CFAP161: variants seen among roughly 807,000 people sequenced by gnomAD.
The protein encoded by CFAP161 is cilia- and flagella-associated protein 161.
A neutral mutation model predicts 29.0 loss-of-function variants in CFAP161; 25 were observed. The observed-to-expected ratio is 0.86, with a 90% CI of 0.63 to 1.20. The LOEUF is 1.20. Among genes scored for constraint, CFAP161 ranks in the 50% most tolerant of loss-of-function variants. The pLI is 0.00. For missense variants in CFAP161, 367 were observed against 371.9 expected (o/e 0.99, Z 0.11); for synonymous variants, 116 against 137.4 (o/e 0.84, Z 1.09).
intron 1 of CFAP161, among the ~76,000 whole-genome samples, chr15:81,110,057 G>C (rs1894421757): frequency 6.6e-6 from 1 of 151,976 alleles, no homozygotes; most frequent in African/African-American, 2.4e-5. Context: ...TTTGCAAACT[G>C]ATGTCTTATC....
intron 1 of CFAP161, among the ~76,000 whole-genome samples, chr15:81,124,281 T>C (rs1364343468): frequency 6.6e-6 from 1 of 152,230 alleles, no homozygotes; most frequent in East Asian, 1.9e-4. Flanking sequence ...GTGTGGTTTT[T>C]GTCTTTAGTT....
intron 1 of CFAP161, among the ~76,000 whole-genome samples, chr15:81,118,508 T>A (rs1894528649): frequency 6.6e-6 from 1 of 152,234 alleles, no homozygotes; most frequent in Non-Finnish European, 1.5e-5. Flanking sequence ...GGGGCCGCCC[T>A]CAGCGGGAAA....
At chr15:81,112,049 C>T (rs924775271) in intron 1 of CFAP161, among the ~76,000 whole-genome samples, 1 of 152,152 alleles carries the variant, frequency 6.6e-6, no homozygotes, top group Non-Finnish European at 1.5e-5. Context: ...TTTCCCCTTT[C>T]ACACCTATTA....
Position 81,148,536 on chromosome 15 carries a change from C to T in CFAP161, c.*3C>T, listed in dbSNP as rs764603733. The T allele has an allele frequency of 1.1e-5, 18 of 1,605,870 alleles. No homozygotes were observed. In the Admixed American group the frequency reaches 1.8e-4, roughly 16 times the overall value. On this transcript the variant is annotated 3_prime_UTR_variant, in exon 7 of 7. Coordinates refer to ENST00000286732, the MANE Select transcript of CFAP161 (RefSeq NM_173528.4). ...CCATGGGCCTTGACACGCAGTAACACGCCAGGCACGTGCATGTTTTCCCTG... is the reference window on the plus strand; with the variant it reads ...CCATGGGCCTTGACACGCAGTAACATGCCAGGCACGTGCATGTTTTCCCTG...
intron 1 of CFAP161, among the ~76,000 whole-genome samples, chr15:81,116,800 T>G (rs997362921): frequency 5.3e-5 from 8 of 152,206 alleles, no homozygotes; most frequent in Non-Finnish European, 8.8e-5. Context: ...TAGGGCAACT[T>G]TTGTTTTTAG....
chr15:81,135,587 A>G lies in CFAP161; in HGVS notation c.159+228A>G, dbSNP rs539082153. ...GTGTCCATGTGTTCTCCATTGTTCA[A>G]TTCCCACCTATGAGTGAGAATATGC... is the stretch of plus-strand genomic sequence containing the variant. On this transcript the variant is annotated intron_variant, in intron 2 of 6. Coordinates refer to ENST00000286732, the MANE Select transcript of CFAP161 (RefSeq NM_173528.4). Among the ~76,000 whole-genome samples, 23 of 139,152 alleles carry G rather than the reference A, an allele frequency of 1.7e-4. 1 individual carries two copies. Among genetic ancestry groups the G allele is most frequent in the South Asian group, 9.0e-4 (4 of 4,450 alleles). The allele number at this position is 139,152 out of a possible 152,430, so 91.3% of individuals were successfully genotyped here.
intron 5 of CFAP161, among the ~76,000 whole-genome samples, chr15:81,144,740 T>C (rs896494266): frequency 1.3e-5 from 2 of 151,150 alleles, no homozygotes; most frequent in African/African-American, 4.9e-5. Flanking sequence ...TGAGCTGTGA[T>C]TGTGCCATTG....
At chr15:81,131,931 G>T (rs1894716940), upstream of CFAP161, among the ~76,000 whole-genome samples, 1 of 152,194 alleles carries the variant, frequency 6.6e-6, no homozygotes, top group South Asian at 2.1e-4. Context: ...AGCAGCAAGA[G>T]TATGTGTAAG....
rs373630462 is a variant in CFAP161 at position 81,143,791 on chromosome 15, C to T, written c.607C>T (p.Arg203Cys). ...GGCTGCCTTCCCTGACCCCCAGTTA[C>T]GCCTGGAATATGAAGGCTTCCCCGT... is the stretch of plus-strand genomic sequence containing the variant. ...WQAAFPDPQL[R>C]LEYEGFPVPA... Residue 203 changes from arginine (R) to cysteine (C), a missense_variant, in exon 5 of 7, where the codon CGC (arginine) becomes TGC (cysteine). Arg to Cys is a radical substitution (Grantham distance 180). Coordinates refer to ENST00000286732, the MANE Select transcript of CFAP161 (RefSeq NM_173528.4). 29 of 1,613,742 alleles carry T rather than the reference C, an allele frequency of 1.8e-5. No individual in the cohort carries two copies. Among genetic ancestry groups the T allele is most frequent in the East Asian group, 1.1e-4 (5 of 44,896 alleles).
chr15:81,130,035 G>A (rs1368265913), upstream of CFAP161, among the ~76,000 whole-genome samples: 1 of 151,620 alleles, frequency 6.6e-6, no homozygotes, highest in East Asian at 1.9e-4. Context: ...GGATAACTTG[G>A]TGCAGCCTTT....
At chr15:81,145,159 G>A (rs1441269850) in intron 5 of CFAP161, among the ~76,000 whole-genome samples, 2 of 152,224 alleles carry the variant, frequency 1.3e-5, no homozygotes, top group Non-Finnish European at 1.5e-5. Flanking sequence ...AGGCCACTGA[G>A]TCCACCCGAT....
intron 1 of CFAP161, among the ~76,000 whole-genome samples, chr15:81,101,260 C>T (rs999255674): frequency 2.0e-5 from 3 of 151,604 alleles, no homozygotes; most frequent in African/African-American, 7.3e-5. Context: ...TGGCTGGGTG[C>T]CGTGGCCTGT....
chr15:81,102,000 A>C (rs1015988512), intron 1 of CFAP161, among the ~76,000 whole-genome samples: 1 of 152,138 alleles, frequency 6.6e-6, no homozygotes, highest in Non-Finnish European at 1.5e-5. Flanking sequence ...GTACACTTGG[A>C]GACGGCAAGT....
At chr15:81,146,956 C>G (rs949068027) in intron 5 of CFAP161, among the ~76,000 whole-genome samples, 8 of 145,304 alleles carry the variant, frequency 5.5e-5, no homozygotes, top group African/African-American at 2.0e-4. Context: ...TACCTTAAAA[C>G]AGTTATGTGG....
chr15:81,104,847 G>C (rs1285891961), intron 1 of CFAP161, among the ~76,000 whole-genome samples: 2 of 152,110 alleles, frequency 1.3e-5, no homozygotes, highest in African/African-American at 4.8e-5. Flanking sequence ...TATTTATATG[G>C]CATGTTGGTT....
chr15:81,100,270 G>A (rs1485243520), intron 1 of CFAP161, among the ~76,000 whole-genome samples: 1 of 63,830 alleles, frequency 1.6e-5, no homozygotes, highest in Non-Finnish European at 7.2e-5. Context: ...TTAGTTCTAA[G>A]TTTAAATTAT....
At chr15:81,140,001 A>G (rs934084796) in intron 4 of CFAP161, among the ~76,000 whole-genome samples, 15 of 152,186 alleles carry the variant, frequency 9.9e-5, no homozygotes, top group East Asian at 3.9e-4. Context: ...TTTCTCCTAT[A>G]TTTTAAGTTT....
Position 81,111,553 on chromosome 15 carries a change from C to T in CFAP161, c.-141-16037C>T, listed in dbSNP as rs1894440676. ...AGCAACCTTCCGAAAGCTCTACTCT[C>T]TGTCCCTTGTCAATTTCCTCTTCTG... On this transcript the variant is annotated intron_variant, in intron 1 of 4. Transcript: ENST00000560091. Among the ~76,000 whole-genome samples the T allele has an allele frequency of 2.0e-5, 3 of 152,248 alleles. No homozygotes were observed. In the South Asian group the frequency reaches 6.2e-4, roughly 31 times the overall value.
At chr15:81,126,348 T>A (rs149449892) in intron 1 of CFAP161, among the ~76,000 whole-genome samples, 1 of 151,794 alleles carries the variant, frequency 6.6e-6, no homozygotes, top group East Asian at 1.9e-4. Context: ...TTCATCTTAT[T>A]TTTTTTTAGC....
Sources: allele counts gnomAD v4.1 joint callset (sites outside exome capture counted in the v4.1 genomes callset), GRCh38; gene constraint gnomAD v4.1.1; transcripts MANE v1.5; gene names NCBI Gene and HGNC (gene_info 2026-07-23, HGNC 2026-07-21).